WDR41: variants seen among roughly 807,000 people sequenced by gnomAD.
WDR41 encodes WD repeat-containing protein 41.
Under a neutral mutation model 69.3 loss-of-function variants are expected in WDR41, and 63 were observed. The observed-to-expected ratio is 0.91, with a 90% confidence interval of 0.74 to 1.12. The LOEUF (loss-of-function observed/expected upper bound fraction) is 1.12, where lower values mean the gene tolerates loss of function less well. WDR41 is among the 50% of genes most tolerant of loss of function. The probability of loss-of-function intolerance (pLI) is 0.00; values close to 1 mark genes in which losing one functional copy is unlikely to be tolerated. For synonymous variants in WDR41, 185 were observed against 192.1 expected, an observed-to-expected ratio of 0.96 and a Z score of 0.31; for missense variants, 543 against 534.5, an observed-to-expected ratio of 1.02 and a Z score of -0.16.
intron 2 of WDR41, among the ~76,000 whole-genome samples, chr5:77,468,529 A>G (rs1800406258): frequency 6.6e-6 from 1 of 152,220 alleles, no homozygotes; most frequent in Non-Finnish European, 1.5e-5. Flanking sequence ...TGTTTTCACA[A>G]TAATTCTTAT....
intron 1 of WDR41, among the ~76,000 whole-genome samples, chr5:77,536,679 T>C (rs541272319): frequency 6.6e-6 from 1 of 152,294 alleles, no homozygotes; most frequent in East Asian, 1.9e-4. Flanking sequence ...ATACTTACTA[T>C]TGGGTTACAA....
chr5:77,538,922 A>G lies in WDR41; in HGVS notation c.43-49350T>C, dbSNP rs114864239. ...TCTGTCTCAGTGAGTTTGGGCTACTATAACAAATACCATAGATTAGGTGGC... is the reference window on the plus strand; with the variant it reads ...TCTGTCTCAGTGAGTTTGGGCTACTGTAACAAATACCATAGATTAGGTGGC... On this transcript the variant is annotated intron_variant, in intron 1 of 5. Coordinates refer to the WDR41 transcript ENST00000509971. Among the ~76,000 whole-genome samples the G allele has an allele frequency of 4.0e-3, 602 of 152,300 alleles. 8 individuals carry two copies. The highest frequency in any genetic ancestry group is 0.014 in the African/African-American group (584 of 41,568).
intron 3 of WDR41, 117 bp from the exon 4 acceptor site, chr5:77,463,343 C>T (rs1800153494): frequency 2.2e-6 from 2 of 910,012 alleles, no homozygotes; most frequent in Non-Finnish European, 3.0e-6. Flanking sequence ...TTTAAAATTA[C>T]TTATTCAGAA....
Position 77,615,958 on chromosome 5 carries a change from A to T in WDR41, c.42+4521T>A, listed in dbSNP as rs558502054. 1.4e-4 allele frequency among the ~76,000 whole-genome samples: 21 copies of T among 152,110 alleles called. No homozygotes were observed. The South Asian group carries it at 3.3e-3, about 24-fold the overall frequency. ...CAGTGAGGCGAGATCACACCACTGC[A>T]CTCCAGCCTGGGAGACAGAGTGAGA... On this transcript the variant is annotated intron_variant, in intron 1 of 5. Transcript: ENST00000509971.
At chr5:77,478,524 C>T (rs539869252) in intron 2 of WDR41, among the ~76,000 whole-genome samples, 11 of 152,168 alleles carry the variant, frequency 7.2e-5, no homozygotes, top group South Asian at 4.2e-4. Context: ...GTTCAATATA[C>T]GCAAATCAAT....
intron 1 of WDR41, among the ~76,000 whole-genome samples, chr5:77,525,083 G>A (rs191665836): frequency 2.1e-4 from 32 of 152,228 alleles, no homozygotes; most frequent in African/African-American, 7.5e-4. Flanking sequence ...TTGATGATGA[G>A]GGGAGGACAT....
chr5:77,603,543 G>C (rs951023537), intron 1 of WDR41, among the ~76,000 whole-genome samples: 5 of 152,148 alleles, frequency 3.3e-5, no homozygotes, highest in Admixed American at 6.5e-5. Flanking sequence ...ACTGTTGATT[G>C]TTTCTGTTGC....
intron 2 of WDR41, among the ~76,000 whole-genome samples, chr5:77,469,125 G>C (rs1347788833): frequency 6.6e-6 from 1 of 152,096 alleles, no homozygotes; most frequent in Non-Finnish European, 1.5e-5. Flanking sequence ...ATCATTCTCA[G>C]CAAACTATCG....
At chr5:77,497,391 T>TCAA (rs920982353) in intron 1 of WDR41, among the ~76,000 whole-genome samples, 6 of 151,974 alleles carry the variant, frequency 3.9e-5, no homozygotes, top group African/African-American at 9.6e-5. Flanking sequence ...CTCCTACAAC[T>TCAA]CAACAACAAC....
intron 1 of WDR41, among the ~76,000 whole-genome samples, chr5:77,612,741 G>A (rs1458747644): frequency 6.6e-5 from 10 of 150,996 alleles, no homozygotes; most frequent in South Asian, 2.1e-4. Flanking sequence ...CACAAGACAG[G>A]GATGCCCTCT....
intron 4 of WDR41, among the ~76,000 whole-genome samples, chr5:77,459,478 T>C (rs1459207174): frequency 6.6e-6 from 1 of 152,162 alleles, no homozygotes; most frequent in African/African-American, 2.4e-5. Flanking sequence ...ATAAAGTACT[T>C]ATACCAAAAA....
At position 77,462,437 on chromosome 5, in the gene WDR41, A is replaced by T. The variant is rs1800114214; in HGVS notation, c.348+658T>A. ...AAAAAAAAAAAAAAAAGAATTAAAA[A>T]TACCTATGTCAAAGGGCTAATTTTA... On this transcript the variant is annotated intron_variant, in intron 4 of 12. Coordinates refer to ENST00000296679, the MANE Select transcript of WDR41 (RefSeq NM_018268.4). Among the ~76,000 whole-genome samples, 5 of 151,778 alleles carry T rather than the reference A, an allele frequency of 3.3e-5. No individual in the cohort carries two copies. The South Asian group carries it at 8.3e-4, about 25-fold the overall frequency.
At chr5:77,511,936 T>C (rs928190040) in intron 1 of WDR41, among the ~76,000 whole-genome samples, 3 of 152,120 alleles carry the variant, frequency 2.0e-5, no homozygotes, top group African/African-American at 7.2e-5. Context: ...ATCAGTAATA[T>C]GTATTATAAT....
At chr5:77,616,015 AAATT>A (rs1242326724) in intron 1 of WDR41, among the ~76,000 whole-genome samples, 2 of 137,338 alleles carry the variant, frequency 1.5e-5, no homozygotes, top group Non-Finnish European at 3.3e-5. Flanking sequence ...ATAAATAAAT[AAATT>A]AATTAATTAA....
intron 1 of WDR41, among the ~76,000 whole-genome samples, chr5:77,518,227 T>C (rs1239686331): frequency 6.6e-6 from 1 of 152,172 alleles, no homozygotes; most frequent in East Asian, 1.9e-4. Flanking sequence ...TTTGACCCTG[T>C]AACCCTATTG....
At chr5:77,585,328 T>C (rs1263017807) in intron 1 of WDR41, among the ~76,000 whole-genome samples, 4 of 152,144 alleles carry the variant, frequency 2.6e-5, no homozygotes, top group African/African-American at 7.2e-5. Flanking sequence ...AAACAGTGTA[T>C]GTTGGCATGA....
At chr5:77,613,724 C>G (rs892718373) in intron 1 of WDR41, among the ~76,000 whole-genome samples, 1 of 152,200 alleles carries the variant, frequency 6.6e-6, no homozygotes, top group African/African-American at 2.4e-5. Context: ...CCATTCAGGA[C>G]ATAGGCATGG....
At position 77,536,757 on chromosome 5, in the gene WDR41, G is replaced by A. The variant is rs6868246; in HGVS notation, c.43-47185C>T. On this transcript the variant is annotated intron_variant, in intron 1 of 5. Coordinates refer to the WDR41 transcript ENST00000509971. ...TAGCCTAGGAGCAATAGGCTGTACCGTGTAGCCTACATGTATAGCAGGCTA... is the reference window on the plus strand; with the variant it reads ...TAGCCTAGGAGCAATAGGCTGTACCATGTAGCCTACATGTATAGCAGGCTA... Among the ~76,000 whole-genome samples the A allele has an allele frequency of 4.1e-3, 620 of 152,230 alleles. 6 individuals are homozygous for A. The highest frequency in any genetic ancestry group is 0.014 in the African/African-American group (597 of 41,534).
intron 4 of WDR41, among the ~76,000 whole-genome samples, chr5:77,459,634 ACATCC>A (rs949532704): frequency 2.0e-5 from 3 of 152,318 alleles, no homozygotes; most frequent in African/African-American, 7.2e-5. Flanking sequence ...CTCTCATAAA[ACATCC>A]AAGTTCAGTT....
Sources: allele counts gnomAD v4.1 joint callset (sites outside exome capture counted in the v4.1 genomes callset), GRCh38; gene constraint gnomAD v4.1.1; transcripts MANE v1.5; gene names NCBI Gene and HGNC (gene_info 2026-07-23, HGNC 2026-07-21).